Variants in DIP2B observed in about 807,000 individuals in gnomAD.
DIP2B encodes the protein disco-interacting protein 2 homolog B.
A neutral mutation model predicts 198.0 loss-of-function variants in DIP2B; 76 were observed. The ratio of observed to expected loss-of-function variants is 0.38; its 90% CI spans 0.32 to 0.46. DIP2B has a LOEUF of 0.46. Among genes scored for constraint, DIP2B ranks in the 20% least tolerant of loss-of-function variants. DIP2B has a pLI of 0.99. For missense variants in DIP2B, 1,559 were observed against 1,978.4 expected (o/e 0.79, Z 4.02); for synonymous variants, 701 against 739.1 (o/e 0.95, Z 0.84).
intron 1 of DIP2B, among the ~76,000 whole-genome samples, chr12:50,558,793 G>A (rs933850328): frequency 6.6e-6 from 1 of 152,150 alleles, no homozygotes; most frequent in Non-Finnish European, 1.5e-5. Context: ...GAGCAAGGCC[G>A]TTTACACTTT....
intron 4 of DIP2B, among the ~76,000 whole-genome samples, chr12:50,669,216 AG>A: frequency 6.6e-6 from 1 of 152,152 alleles, no homozygotes; most frequent in Non-Finnish European, 1.5e-5. Context: ...GTCTCCTGTA[AG>A]CCTTTTTAGG....
intron 1 of DIP2B, among the ~76,000 whole-genome samples, chr12:50,515,700 T>C (rs1400566493): frequency 6.6e-6 from 1 of 152,206 alleles, no homozygotes; most frequent in Non-Finnish European, 1.5e-5. Context: ...TCACTTTACA[T>C]ACAGAGATAA....
At chr12:50,658,585 A>G (rs1938592661) in intron 3 of DIP2B, among the ~76,000 whole-genome samples, 2 of 152,254 alleles carry the variant, frequency 1.3e-5, no homozygotes, top group Non-Finnish European at 2.9e-5. Context: ...AAATAATTAG[A>G]CATGTGCTAA....
intron 1 of DIP2B, among the ~76,000 whole-genome samples, chr12:50,563,044 A>G (rs1958532856): frequency 6.6e-6 from 1 of 152,022 alleles, no homozygotes; most frequent in African/African-American, 2.4e-5. Context: ...AAGTTTGAAG[A>G]TTATTAACCA....
intron 1 of DIP2B, among the ~76,000 whole-genome samples, chr12:50,576,036 G>C (rs1278217469): frequency 2.7e-5 from 4 of 150,880 alleles, no homozygotes; most frequent in Admixed American, 6.6e-5. Flanking sequence ...GGAATTACAA[G>C]TGTGAGCCAC....
chr12:50,552,263 A>G (rs979110868), intron 1 of DIP2B, among the ~76,000 whole-genome samples: 8 of 150,746 alleles, frequency 5.3e-5, no homozygotes, highest in African/African-American at 1.9e-4. Flanking sequence ...GTTGAGTTAT[A>G]GGAGTTCTTT....
intron 2 of DIP2B, among the ~76,000 whole-genome samples, chr12:50,629,518 A>C (rs1277570479): frequency 6.6e-6 from 1 of 152,128 alleles, no homozygotes; most frequent in East Asian, 1.9e-4. Context: ...ATCTCTCTAG[A>C]TTATTTCAGC....
chr12:50,670,096 C>T (rs1441858780), intron 4 of DIP2B, among the ~76,000 whole-genome samples: 5 of 151,944 alleles, frequency 3.3e-5, no homozygotes, highest in African/African-American at 1.2e-4. Flanking sequence ...CTGTTTTCCC[C>T]GGCTTTTGCT....
intron 1 of DIP2B, among the ~76,000 whole-genome samples, chr12:50,564,571 G>A (rs1958547109): frequency 6.6e-6 from 1 of 152,050 alleles, no homozygotes; most frequent in Non-Finnish European, 1.5e-5. Context: ...TTACTGAATG[G>A]CAGCGTTTCT....
intron 4 of DIP2B, among the ~76,000 whole-genome samples, chr12:50,664,678 G>T (rs1938714294): frequency 6.6e-6 from 1 of 152,018 alleles, no homozygotes. Context: ...AGAGTGCACA[G>T]ATGACCAAAT....
At chr12:50,527,880 A>G (rs1958180687) in intron 1 of DIP2B, among the ~76,000 whole-genome samples, 1 of 151,736 alleles carries the variant, frequency 6.6e-6, no homozygotes, top group Non-Finnish European at 1.5e-5. Flanking sequence ...TTTTCTTACA[A>G]TTTCAGTTGT....
At chr12:50,512,803 C>G (rs927413464) in intron 1 of DIP2B, among the ~76,000 whole-genome samples, 1 of 152,106 alleles carries the variant, frequency 6.6e-6, no homozygotes, top group Admixed American at 6.6e-5. Context: ...CTCAGGAGTT[C>G]GAGACCAGCC....
intron 1 of DIP2B, among the ~76,000 whole-genome samples, chr12:50,563,579 C>T (rs916797322): frequency 6.8e-6 from 1 of 148,078 alleles, no homozygotes; most frequent in Non-Finnish European, 1.5e-5. Flanking sequence ...TAGCCTCCAA[C>T]TCCTGGGCTT....
intron 1 of DIP2B, among the ~76,000 whole-genome samples, chr12:50,564,613 C>G (rs575056368): frequency 6.6e-6 from 1 of 152,128 alleles, no homozygotes; most frequent in Non-Finnish European, 1.5e-5. Flanking sequence ...TGAACGCCCC[C>G]TCTGTGAATT....
At chr12:50,557,182 T>C (rs532527098) in intron 1 of DIP2B, among the ~76,000 whole-genome samples, 5 of 152,360 alleles carry the variant, frequency 3.3e-5, no homozygotes, top group African/African-American at 4.8e-5. Context: ...CTTGATTCTT[T>C]ATCTATAAAA....
chr12:50,529,469 G>C (rs1350041018), intron 1 of DIP2B, among the ~76,000 whole-genome samples: 2 of 152,092 alleles, frequency 1.3e-5, no homozygotes, highest in Admixed American at 6.6e-5. Context: ...AGGGGAGGAG[G>C]CTGCTTTAGA....
intron 2 of DIP2B, among the ~76,000 whole-genome samples, chr12:50,629,900 C>A (rs546576290): frequency 6.6e-6 from 1 of 151,878 alleles, no homozygotes; most frequent in African/African-American, 2.4e-5. Flanking sequence ...TTGTTACCAA[C>A]CCCTATCAGT....
chr12:50,527,056 GT>G (rs1189349810), intron 1 of DIP2B, among the ~76,000 whole-genome samples: 2 of 152,160 alleles, frequency 1.3e-5, no homozygotes, highest in African/African-American at 4.8e-5. Flanking sequence ...TTTTGTTTTG[GT>G]TTAATGGGTC....
chr12:50,742,394 CAAA>C lies in DIP2B; in HGVS notation c.4478+881_4478+883del, dbSNP rs59566626. 2.8e-3 allele frequency among the ~76,000 whole-genome samples: 134 copies of C among 47,456 alleles called. 1 individual carries two copies. Among genetic ancestry groups the C allele is most frequent in the South Asian group, 6.0e-3 (6 of 1,002 alleles). The allele number at this position is 47,456 out of a possible 152,430, so 31.1% of individuals were successfully genotyped here. A position where few individuals can be genotyped will look rare whatever the true frequency, so the allele number is the denominator to read the frequency against. On this transcript the variant is annotated intron_variant, in intron 37 of 37. Coordinates refer to ENST00000301180, the MANE Select transcript of DIP2B (RefSeq NM_173602.3). Reference sequence around the variant, plus strand: ...CCCTGGTGACAGACTGAGACTGTCTCAAAAAAAAAAAAAAAAAAAAAAAAAAAA... The same window carrying C: ...CCCTGGTGACAGACTGAGACTGTCTCAAAAAAAAAAAAAAAAAAAAAAAAA...
Sources: gnomAD v4.1 joint callset for allele counts (sites outside exome capture counted in the v4.1 genomes callset) on GRCh38, gnomAD v4.1.1 for gene constraint, MANE v1.5 for transcripts, NCBI Gene and HGNC (gene_info 2026-07-23, HGNC 2026-07-21) for gene names.